CHRNA7: variants seen among roughly 807,000 people sequenced by gnomAD.
CHRNA7 encodes neuronal acetylcholine receptor subunit alpha-7.
CHRNA7 carries 17 observed loss-of-function variants against 48.0 expected under a neutral mutation model. The ratio of observed to expected loss-of-function variants is 0.35; its 90% CI spans 0.24 to 0.53. The LOEUF (loss-of-function observed/expected upper bound fraction) is 0.53. Ranked by LOEUF, CHRNA7 falls within the 20% of genes least tolerant of loss-of-function variation. The probability of loss-of-function intolerance (pLI) is 0.92; values close to 1 mark genes in which losing one functional copy is unlikely to be tolerated. For synonymous variants in CHRNA7, 75 were observed against 242.3 expected (o/e 0.31, Z 6.41); for missense variants, 155 against 577.7 (o/e 0.27, Z 7.50).
At chr15:32,056,426 A>G (rs2049789777) in intron 2 of CHRNA7, among the ~76,000 whole-genome samples, 1 of 152,160 alleles carries the variant, frequency 6.6e-6, no homozygotes, top group Non-Finnish European at 1.5e-5. Context: ...GTTTTTCAAG[A>G]GTTGTGAAAG....
chr15:32,059,236 T>A (rs931187970), intron 2 of CHRNA7, among the ~76,000 whole-genome samples: 1 of 152,178 alleles, frequency 6.6e-6, no homozygotes, highest in African/African-American at 2.4e-5. Context: ...ACTCCTGACG[T>A]CAGGTGATGT....
intron 4 of CHRNA7, among the ~76,000 whole-genome samples, chr15:32,134,606 A>C (rs2051214797): frequency 6.6e-6 from 1 of 152,250 alleles, no homozygotes; most frequent in African/African-American, 2.4e-5. Flanking sequence ...ATGAACTTCA[A>C]ATTAAAACAC....
chr15:32,033,761 T>G (rs1566790792), intron 2 of CHRNA7, among the ~76,000 whole-genome samples: 2 of 152,226 alleles, frequency 1.3e-5, no homozygotes, highest in African/African-American at 2.4e-5. Context: ...CTGGTATAGA[T>G]TCTCTTTACA....
intron 2 of CHRNA7, among the ~76,000 whole-genome samples, chr15:32,086,880 C>T (rs1206360510): frequency 6.6e-6 from 1 of 152,138 alleles, no homozygotes; most frequent in Non-Finnish European, 1.5e-5. Context: ...ATCCAGGGTG[C>T]ATAATATCAA....
rs572955208 is a variant in CHRNA7, at chr15:32,126,754, T to A, written c.350+14855T>A. Reference sequence around the variant, plus strand: ...TATGTTTCTAACAGATTAATAATTATAGGTCATAAGAAATGGAAAAAAAAT... The same window carrying A: ...TATGTTTCTAACAGATTAATAATTAAAGGTCATAAGAAATGGAAAAAAAAT... On this transcript the variant is annotated intron_variant, in intron 4 of 9. Coordinates refer to ENST00000306901, the MANE Select transcript of CHRNA7 (RefSeq NM_000746.6). Among the ~76,000 whole-genome samples the A allele has an allele frequency of 4.6e-5, 7 of 152,260 alleles. No individual in the cohort carries two copies. The East Asian group carries it at 1.4e-3, about 29-fold the overall frequency.
chr15:32,097,715 C>G (rs1252128400), intron 2 of CHRNA7, among the ~76,000 whole-genome samples: 1 of 152,234 alleles, frequency 6.6e-6, no homozygotes, highest in Non-Finnish European at 1.5e-5. Context: ...CTTCGGGAGA[C>G]TAAATGTGCA....
chr15:32,032,023 T>C (rs1432126831), intron 2 of CHRNA7, among the ~76,000 whole-genome samples: 1 of 151,944 alleles, frequency 6.6e-6, no homozygotes, highest in Non-Finnish European at 1.5e-5. Flanking sequence ...CCTGGCAAAG[T>C]GGAAAAAGGT....
At chr15:32,061,834 C>T (rs542620998) in intron 2 of CHRNA7, among the ~76,000 whole-genome samples, 31 of 151,896 alleles carry the variant, frequency 2.0e-4, no homozygotes, top group Non-Finnish European at 4.1e-4. Context: ...ACAAAAAACA[C>T]CAAAAAAACA....
At chr15:32,109,391 TG>T (rs1410120792) in intron 3 of CHRNA7, among the ~76,000 whole-genome samples, 1 of 152,196 alleles carries the variant, frequency 6.6e-6, no homozygotes, top group Non-Finnish European at 1.5e-5. Context: ...CTTTATGGCC[TG>T]TATCTTGTGC....
chr15:32,137,346 A>C (rs1300393711), intron 4 of CHRNA7, among the ~76,000 whole-genome samples: 2 of 139,826 alleles, frequency 1.4e-5, no homozygotes, highest in African/African-American at 5.3e-5. Context: ...CCCCCCCCCC[A>C]CACAAACACA....
chr15:32,113,964 C>T (rs188712998), intron 4 of CHRNA7, among the ~76,000 whole-genome samples: 53 of 147,908 alleles, frequency 3.6e-4, no homozygotes, highest in Non-Finnish European at 6.7e-4. Context: ...CAGCAGTGAG[C>T]TTTGATTATA....
intron 2 of CHRNA7, among the ~76,000 whole-genome samples, chr15:32,066,073 C>T (rs2049961357): frequency 6.6e-6 from 1 of 152,280 alleles, no homozygotes; most frequent in Non-Finnish European, 1.5e-5. Context: ...ACTGCCAACA[C>T]TGGGGATTCA....
chr15:32,142,909 T>C (rs2051411358), intron 4 of CHRNA7, among the ~76,000 whole-genome samples: 1 of 152,246 alleles, frequency 6.6e-6, no homozygotes, highest in Non-Finnish European at 1.5e-5. Flanking sequence ...TTTTTGTGTC[T>C]CTATCTCCTT....
At chr15:32,059,154 C>T (rs2049835952) in intron 2 of CHRNA7, among the ~76,000 whole-genome samples, 2 of 152,106 alleles carry the variant, frequency 1.3e-5, no homozygotes, top group South Asian at 4.2e-4. Flanking sequence ...CAGGTGCACA[C>T]CACCATGCCC....
At chr15:32,124,971 T>C (rs1161539592) in intron 4 of CHRNA7, among the ~76,000 whole-genome samples, 1 of 152,164 alleles carries the variant, frequency 6.6e-6, no homozygotes, top group Non-Finnish European at 1.5e-5. Context: ...ACTTACAGGC[T>C]CCAGAACTGT....
intron 2 of CHRNA7, among the ~76,000 whole-genome samples, chr15:32,064,835 T>A (rs1355015116): frequency 6.6e-6 from 1 of 152,184 alleles, no homozygotes; most frequent in Non-Finnish European, 1.5e-5. Context: ...GTCCTCCTCA[T>A]ATTTCCTCTT....
At chr15:32,049,774 G>A (rs923612969) in intron 2 of CHRNA7, among the ~76,000 whole-genome samples, 2 of 152,192 alleles carry the variant, frequency 1.3e-5, no homozygotes, top group African/African-American at 4.8e-5. Flanking sequence ...TGATTTTGCA[G>A]CAGCTAGTAC....
chr15:32,101,780 A>G (rs911037033), intron 3 of CHRNA7: 4 of 159,680 alleles, frequency 2.5e-5, no homozygotes, highest in Non-Finnish European at 5.5e-5. Flanking sequence ...TGCTCTAGCA[A>G]TGCTTATAAG....
At chr15:32,125,956 C>A (rs1242217545) in intron 4 of CHRNA7, among the ~76,000 whole-genome samples, 1 of 151,990 alleles carries the variant, frequency 6.6e-6, no homozygotes, top group Non-Finnish European at 1.5e-5. Flanking sequence ...CTCCTGCTGT[C>A]CAGAGAAAAC....
Sources: allele counts gnomAD v4.1 joint callset (sites outside exome capture counted in the v4.1 genomes callset), GRCh38; gene constraint gnomAD v4.1.1; transcripts MANE v1.5; gene names NCBI Gene and HGNC (gene_info 2026-07-23, HGNC 2026-07-21).